Variants in EPB41L2 observed in about 807,000 individuals in gnomAD.
The protein encoded by EPB41L2 is band 4.1-like protein 2.
A neutral mutation model predicts 113.0 loss-of-function variants in EPB41L2; 43 were observed. The ratio of observed to expected loss-of-function variants is 0.38; its 90% CI spans 0.30 to 0.49. The LOEUF is 0.49. Among genes scored for constraint, EPB41L2 ranks in the 20% least tolerant of loss-of-function variants. The pLI is 0.95. For missense variants in EPB41L2, 1,147 were observed against 1,223.4 expected (o/e 0.94, Z 0.93); for synonymous variants, 442 against 436.7 (o/e 1.01, Z -0.15).
chr6:130,960,871 C>A (rs1773320520), intron 1 of EPB41L2, among the ~76,000 whole-genome samples: 1 of 152,170 alleles, frequency 6.6e-6, no homozygotes, highest in Non-Finnish European at 1.5e-5. Context: ...GACATTCCCA[C>A]TAAAATGAAA....
intron 3 of EPB41L2, among the ~76,000 whole-genome samples, chr6:130,926,933 G>A (rs927830608): frequency 3.9e-5 from 6 of 152,182 alleles, no homozygotes; most frequent in Middle Eastern, 3.4e-3. Context: ...AGCAAGCACC[G>A]TCTGCTTTAC....
chr6:131,042,044 T>C (rs1794556246), intron 1 of EPB41L2, among the ~76,000 whole-genome samples: 1 of 152,286 alleles, frequency 6.6e-6, no homozygotes, highest in East Asian at 1.9e-4. Flanking sequence ...CAGCATGGAA[T>C]GGGGAACATG....
At chr6:130,929,448 T>C (rs1805941042) in intron 3 of EPB41L2, among the ~76,000 whole-genome samples, 1 of 152,138 alleles carries the variant, frequency 6.6e-6, no homozygotes, top group Non-Finnish European at 1.5e-5. Flanking sequence ...AAGGAAGCCA[T>C]CCAGAATAAA....
At chr6:130,970,583 T>C (rs1002703105) in intron 1 of EPB41L2, 2 of 152,240 alleles carry the variant, frequency 1.3e-5, no homozygotes, top group African/African-American at 2.4e-5. Flanking sequence ...ACTGTAATTC[T>C]ATAATTTTTA....
At chr6:131,009,414 G>A (rs181332063) in intron 1 of EPB41L2, among the ~76,000 whole-genome samples, 2 of 152,166 alleles carry the variant, frequency 1.3e-5, no homozygotes, top group Admixed American at 1.3e-4. Flanking sequence ...CATGAGAACA[G>A]ACTAATACAC....
chr6:130,960,766 A>T (rs971243997), intron 1 of EPB41L2, among the ~76,000 whole-genome samples: 1 of 152,162 alleles, frequency 6.6e-6, no homozygotes, highest in East Asian at 1.9e-4. Context: ...CACTCACCCT[A>T]ATTATCATGC....
At chr6:130,932,929 T>C (rs769723260) in intron 3 of EPB41L2, among the ~76,000 whole-genome samples, 9 of 152,226 alleles carry the variant, frequency 5.9e-5, no homozygotes, top group Non-Finnish European at 1.3e-4. Flanking sequence ...CCCATAATGT[T>C]CAAGGACCTA....
At chr6:131,018,446 T>C (rs573203883) in intron 1 of EPB41L2, among the ~76,000 whole-genome samples, 1 of 152,120 alleles carries the variant, frequency 6.6e-6, no homozygotes, top group Admixed American at 6.5e-5. Context: ...ACAGGCGAGG[T>C]AGGCAGCTAG....
intron 1 of EPB41L2, among the ~76,000 whole-genome samples, chr6:130,964,023 T>C (rs2128638479): frequency 6.8e-6 from 1 of 146,916 alleles, no homozygotes; most frequent in South Asian, 2.2e-4. Flanking sequence ...TTCTTTTCTT[T>C]TCCTTTTTTT....
intron 10 of EPB41L2, among the ~76,000 whole-genome samples, chr6:130,891,428 TTTACTTACTTAC>T (rs34546609): frequency 1.3e-5 from 2 of 149,466 alleles, no homozygotes; most frequent in East Asian, 2.0e-4. Context: ...TATTTATTTA[TTTACTTACTTAC>T]TTACTTACTT....
At chr6:130,930,825 T>C (rs967380079) in intron 3 of EPB41L2, among the ~76,000 whole-genome samples, 28 of 152,006 alleles carry the variant, frequency 1.8e-4, no homozygotes, top group Non-Finnish European at 3.1e-4. Context: ...AAAATATATA[T>C]GTTTTATGTG....
At chr6:130,900,651 G>C (rs1389699056) in intron 7 of EPB41L2, among the ~76,000 whole-genome samples, 1 of 152,168 alleles carries the variant, frequency 6.6e-6, no homozygotes, top group African/African-American at 2.4e-5. Context: ...TGTCAAATAA[G>C]TATGTGGACA....
intron 14 of EPB41L2, among the ~76,000 whole-genome samples, chr6:130,871,071 C>A (rs1355541662): frequency 3.3e-5 from 5 of 152,168 alleles, no homozygotes. Flanking sequence ...TCACTCCTAT[C>A]CCCTTCAGAC....
At chr6:131,044,515 A>C (rs956256667) in intron 1 of EPB41L2, among the ~76,000 whole-genome samples, 2 of 152,232 alleles carry the variant, frequency 1.3e-5, no homozygotes, top group African/African-American at 2.4e-5. Context: ...TTCATCTTCA[A>C]ATAACTTTAA....
intron 10 of EPB41L2, among the ~76,000 whole-genome samples, chr6:130,891,598 A>G (rs1180193568): frequency 1.3e-5 from 2 of 152,032 alleles, no homozygotes; most frequent in Non-Finnish European, 2.9e-5. Context: ...ACAAAGGTAC[A>G]TGCCACCATG....
At chr6:131,007,642 G>A (rs1584475569) in intron 1 of EPB41L2, among the ~76,000 whole-genome samples, 1 of 152,132 alleles carries the variant, frequency 6.6e-6, no homozygotes, top group Non-Finnish European at 1.5e-5. Context: ...TAGTAATATG[G>A]GACAATGAAG....
chr6:130,865,435 G>T lies in EPB41L2; in HGVS notation c.2829+101C>A, dbSNP rs541347288. ...CATTTTGATTCCGCTGGCACTGTCTGTATCTTACTTGGAAGTGTGTACAGG... is the reference window on the plus strand; with the variant it reads ...CATTTTGATTCCGCTGGCACTGTCTTTATCTTACTTGGAAGTGTGTACAGG... On this transcript the variant is annotated intron_variant, in intron 17 of 19. Transcript: ENST00000337057. 51 of 1,182,478 alleles carry T rather than the reference G, an allele frequency of 4.3e-5. No individual in the cohort carries two copies. The South Asian group carries it at 7.3e-4, about 17-fold the overall frequency. The allele number at this position is 1,182,478 out of a possible 1,614,324, so 73.2% of individuals were successfully genotyped here.
At chr6:130,918,787 A>G (rs900129529) in intron 4 of EPB41L2, among the ~76,000 whole-genome samples, 17 of 152,184 alleles carry the variant, frequency 1.1e-4, no homozygotes, top group Non-Finnish European at 1.8e-4. Context: ...AAAATTTCCC[A>G]TAAGTACAGA....
chr6:130,982,680 T>C lies in EPB41L2; in HGVS notation c.-14-26181A>G, dbSNP rs1999473. ...ACTTTCTTTCAAAAACCATTTTTTG[T>C]TGGAGTCATTGTTTTGAAGAAAATA... On this transcript the variant is annotated intron_variant, in intron 1 of 19. Coordinates refer to ENST00000337057, the MANE Select transcript of EPB41L2 (RefSeq NM_001431.4). Among the ~76,000 whole-genome samples, 3,080 of 152,302 alleles carry C rather than the reference T, an allele frequency of 0.02. 200 individuals are homozygous for C. In the East Asian group the frequency reaches 0.27, roughly 13 times the overall value.
Sources: gnomAD v4.1 joint callset for allele counts (sites outside exome capture counted in the v4.1 genomes callset) on GRCh38, gnomAD v4.1.1 for gene constraint, MANE v1.5 for transcripts, NCBI Gene and HGNC (gene_info 2026-07-23, HGNC 2026-07-21) for gene names.